Variants in L3MBTL4 observed in about 807,000 individuals in gnomAD.
L3MBTL4 encodes L3MBTL histone methyl-lysine binding protein 4.
Under a neutral mutation model 84.5 loss-of-function variants are expected in L3MBTL4, and 70 were observed. The observed-to-expected ratio is 0.83, with a 90% CI of 0.68 to 1.01. The LOEUF (loss-of-function observed/expected upper bound fraction) is 1.01, where lower values mean the gene tolerates loss of function less well. Ranked by LOEUF, L3MBTL4 falls within the 50% of genes least tolerant of loss-of-function variation. L3MBTL4 has a pLI of 0.00. For missense variants in L3MBTL4, 715 were observed against 754.8 expected, an observed-to-expected ratio of 0.95 and a Z score of 0.62; for synonymous variants, 274 against 259.8, an observed-to-expected ratio of 1.05 and a Z score of -0.52.
chr18:6,038,995 C>A (rs1355100709), intron 16 of L3MBTL4, among the ~76,000 whole-genome samples: 1 of 151,996 alleles, frequency 6.6e-6, no homozygotes, highest in Non-Finnish European at 1.5e-5. Context: ...CCTACTCTCT[C>A]TCTTTCTTTC....
chr18:6,369,777 C>G (rs552154790), intron 1 of L3MBTL4, among the ~76,000 whole-genome samples: 1 of 152,190 alleles, frequency 6.6e-6, no homozygotes, highest in East Asian at 1.9e-4. Flanking sequence ...GCTAGAATAG[C>G]CCAGGTGCAA....
Position 5,986,752 on chromosome 18 carries a change from T to C in L3MBTL4, c.1445-17190A>G, listed in dbSNP as rs1274336252. 9.8e-5 allele frequency among the ~76,000 whole-genome samples: 15 copies of C among 152,336 alleles called. No individual in the cohort carries two copies. In the East Asian group the frequency reaches 2.5e-3, roughly 26 times the overall value. ...TTCCATGCAATAGCCTAGAGGAATG[T>C]ACAGGGGCTTGGGCAGTGGGCATGG... On this transcript the variant is annotated intron_variant, in intron 16 of 18. Coordinates refer to ENST00000317931, the MANE Select transcript of L3MBTL4 (RefSeq NM_001330559.2).
intron 10 of L3MBTL4, among the ~76,000 whole-genome samples, chr18:6,229,459 G>A (rs1364017968): frequency 6.6e-6 from 1 of 152,038 alleles, no homozygotes; most frequent in African/African-American, 2.4e-5. Flanking sequence ...GTCCTTCGAT[G>A]TATGGAAGTT....
At chr18:6,341,035 T>C (rs1243935201) in intron 1 of L3MBTL4, among the ~76,000 whole-genome samples, 1 of 151,830 alleles carries the variant, frequency 6.6e-6, no homozygotes, top group African/African-American at 2.4e-5. Context: ...AGCAGTAGAG[T>C]ATGGGCGTCC....
intron 5 of L3MBTL4, among the ~76,000 whole-genome samples, chr18:6,248,178 C>T (rs930931144): frequency 6.6e-6 from 1 of 152,150 alleles, no homozygotes; most frequent in South Asian, 2.1e-4. Context: ...TGAGCAAAGT[C>T]GACACATTTA....
intron 16 of L3MBTL4, among the ~76,000 whole-genome samples, chr18:6,016,161 G>T (rs1207845514): frequency 1.3e-5 from 2 of 152,106 alleles, no homozygotes; most frequent in African/African-American, 4.8e-5. Flanking sequence ...GGTTGGCATG[G>T]TTTATCTGGA....
chr18:6,185,343 C>T (rs944395195), intron 12 of L3MBTL4, among the ~76,000 whole-genome samples: 2 of 152,208 alleles, frequency 1.3e-5, no homozygotes, highest in Non-Finnish European at 2.9e-5. Flanking sequence ...CAGATCCATA[C>T]GGTGCCAAGG....
chr18:6,072,882 ATATATATAT>A lies in L3MBTL4; in HGVS notation c.1444+7990_1444+7998del, dbSNP rs1284469540. 9.4e-3 allele frequency among the ~76,000 whole-genome samples: 156 copies of A among 16,682 alleles called. 23 individuals are homozygous for A. Among genetic ancestry groups the A allele is most frequent in the African/African-American group, 0.021 (97 of 4,654 alleles). 10.9% of individuals were successfully genotyped at this position (16,682 alleles called of 152,430 possible). A position where few individuals can be genotyped will look rare whatever the true frequency, so the allele number is the denominator to read the frequency against. Reference sequence around the variant, plus strand: ...CTCCGTCTCAAAAAAAAAAAAAAAAATATATATATATATATATATATATATATATATATA... The same window carrying A: ...CTCCGTCTCAAAAAAAAAAAAAAAAAATATATATATATATATATATATATA... On this transcript the variant is annotated intron_variant, in intron 16 of 18. Transcript: ENST00000317931.
chr18:6,340,154 C>A (rs891909299), intron 1 of L3MBTL4, among the ~76,000 whole-genome samples: 2 of 151,898 alleles, frequency 1.3e-5, no homozygotes, highest in Non-Finnish European at 2.9e-5. Flanking sequence ...TTTAAAAATC[C>A]TTTTAAAAAG....
At chr18:6,220,741 G>A (rs1403955168) in intron 10 of L3MBTL4, among the ~76,000 whole-genome samples, 1 of 152,210 alleles carries the variant, frequency 6.6e-6, no homozygotes, top group Non-Finnish European at 1.5e-5. Context: ...TTTGTTGAAT[G>A]AATAAAATAT....
At position 6,407,377 on chromosome 18, in the gene L3MBTL4, T is replaced by C. The variant is rs151192901; in HGVS notation, c.-91+7424A>G. On this transcript the variant is annotated intron_variant, in intron 1 of 18. Coordinates refer to ENST00000317931, the MANE Select transcript of L3MBTL4 (RefSeq NM_001330559.2). ...CTAGGAATAAAATCACAGCAACCTA[T>C]AGTTTTAGAAGAGAAAGGGGAAAAA... Among the ~76,000 whole-genome samples the C allele has an allele frequency of 5.9e-5, 9 of 151,954 alleles. No individual in the cohort carries two copies. The East Asian group carries it at 1.4e-3, about 23-fold the overall frequency.
Position 6,165,852 on chromosome 18 carries a change from G to A in L3MBTL4, c.1096+5976C>T, listed in dbSNP as rs537839784. 9.3e-4 allele frequency among the ~76,000 whole-genome samples: 142 copies of A among 152,174 alleles called. 1 individual carries two copies. The highest frequency in any genetic ancestry group is 3.1e-3 in the African/African-American group (127 of 41,492). ...ACAATATTAACCTTAAATGTAAATC[G>A]GCTAAATGCTCCAATTAAAAGACAC... On this transcript the variant is annotated intron_variant, in intron 13 of 18. Coordinates refer to ENST00000317931, the MANE Select transcript of L3MBTL4 (RefSeq NM_001330559.2).
intron 16 of L3MBTL4, among the ~76,000 whole-genome samples, chr18:6,049,360 A>G (rs920402989): frequency 1.8e-4 from 28 of 152,244 alleles, no homozygotes; most frequent in Admixed American, 1.8e-3. Context: ...CAAAGGTTTA[A>G]TGTCCAGAAT....
intron 13 of L3MBTL4, among the ~76,000 whole-genome samples, chr18:6,150,641 G>A: frequency 6.6e-6 from 1 of 152,214 alleles, no homozygotes; most frequent in African/African-American, 2.4e-5. Context: ...TAACGTAAAA[G>A]GAGCAAATTG....
At chr18:6,161,251 G>A (rs1298347937) in intron 13 of L3MBTL4, among the ~76,000 whole-genome samples, 14 of 152,202 alleles carry the variant, frequency 9.2e-5, no homozygotes, top group African/African-American at 2.7e-4. Context: ...TCTGGCAGCA[G>A]GGTACCAGGG....
At chr18:5,957,904 G>A (rs2095236363) in intron 18 of L3MBTL4, among the ~76,000 whole-genome samples, 1 of 150,418 alleles carries the variant, frequency 6.6e-6, no homozygotes, top group African/African-American at 2.5e-5. Flanking sequence ...AGGTTGCAGT[G>A]AGACAAGATC....
chr18:6,412,739 C>A lies in L3MBTL4; in HGVS notation c.-91+2062G>T, dbSNP rs563862855. Among the ~76,000 whole-genome samples the A allele has an allele frequency of 3.3e-5, 5 of 152,088 alleles. No homozygotes were observed. In the East Asian group the frequency reaches 9.7e-4, roughly 29 times the overall value. ...ACTTACCCACGTGCCAAGTCCCATGCCAAGCAAAGGAGGCTTATTACCACC... is the reference window on the plus strand; with the variant it reads ...ACTTACCCACGTGCCAAGTCCCATGACAAGCAAAGGAGGCTTATTACCACC... On this transcript the variant is annotated intron_variant, in intron 1 of 18. Transcript: ENST00000317931.
At chr18:6,210,343 C>A (rs1289825958) in intron 12 of L3MBTL4, among the ~76,000 whole-genome samples, 1 of 152,124 alleles carries the variant, frequency 6.6e-6, no homozygotes, top group Non-Finnish European at 1.5e-5. Flanking sequence ...TGGGCAGTCA[C>A]AACTCCTCAT....
intron 1 of L3MBTL4, among the ~76,000 whole-genome samples, chr18:6,383,868 G>T (rs959120943): frequency 6.6e-6 from 1 of 152,108 alleles, no homozygotes; most frequent in African/African-American, 2.4e-5. Flanking sequence ...CTCTAATTGT[G>T]GGATAAAAAA....
Sources: gnomAD v4.1 joint callset for allele counts (sites outside exome capture counted in the v4.1 genomes callset) on GRCh38, gnomAD v4.1.1 for gene constraint, MANE v1.5 for transcripts, NCBI Gene and HGNC (gene_info 2026-07-23, HGNC 2026-07-21) for gene names.